The following RERE variants were observed in gnomAD, a reference collection of about 807,000 sequenced individuals.
The protein encoded by RERE is arginine-glutamic acid dipeptide repeats protein.
Under a neutral mutation model 146.1 loss-of-function variants are expected in RERE, and 40 were observed. The ratio of observed to expected loss-of-function variants is 0.27; its 90% confidence interval spans 0.21 to 0.36. RERE has a LOEUF of 0.36. Ranked by LOEUF, RERE falls within the 10% of genes least tolerant of loss-of-function variation. The pLI is 1.00. For synonymous variants in RERE, 1,003 were observed against 866.0 expected, an observed-to-expected ratio of 1.16 and a Z score of -2.78; for missense variants, 1,933 against 2,138.7, an observed-to-expected ratio of 0.90 and a Z score of 1.90.
chr1:8,544,368 T>C (rs939163434), intron 6 of RERE, among the ~76,000 whole-genome samples: 9 of 152,336 alleles, frequency 5.9e-5, no homozygotes, highest in Middle Eastern at 3.4e-3. Context: ...GAAAGGTTTA[T>C]TCATAATAGC....
intron 12 of RERE, among the ~76,000 whole-genome samples, chr1:8,406,208 G>T (rs1197696140): frequency 6.6e-6 from 1 of 151,898 alleles, no homozygotes; most frequent in East Asian, 1.9e-4. Context: ...AATGACTACA[G>T]GTGTGTGGCA....
chr1:8,707,185 G>A (rs1284559152), intron 1 of RERE, among the ~76,000 whole-genome samples: 1 of 152,190 alleles, frequency 6.6e-6, no homozygotes. Context: ...AATGAGAGGA[G>A]ACAACAGATG....
chr1:8,579,259 T>G, intron 4 of RERE, among the ~76,000 whole-genome samples: 1 of 67,344 alleles, frequency 1.5e-5, no homozygotes, highest in South Asian at 3.7e-4. Context: ...TTCCTAATCC[T>G]CTGTGTTCAG....
intron 1 of RERE, among the ~76,000 whole-genome samples, chr1:8,788,053 G>A (rs903129823): frequency 2.6e-5 from 4 of 151,964 alleles, no homozygotes; most frequent in Non-Finnish European, 4.4e-5. Flanking sequence ...AGCCATGATG[G>A]TGCCACTGCA....
At chr1:8,581,753 A>T (rs1474950366) in intron 4 of RERE, among the ~76,000 whole-genome samples, 3 of 152,200 alleles carry the variant, frequency 2.0e-5, no homozygotes, top group Non-Finnish European at 4.4e-5. Context: ...TTTGCATTCA[A>T]GAGATATAAA....
chr1:8,797,759 T>C (rs888917167), intron 1 of RERE, among the ~76,000 whole-genome samples: 14 of 152,194 alleles, frequency 9.2e-5, no homozygotes, highest in African/African-American at 2.9e-4. Flanking sequence ...AAAGCAGTTG[T>C]CACATTAACT....
At chr1:8,477,106 A>G (rs551062369) in intron 10 of RERE, among the ~76,000 whole-genome samples, 2 of 152,344 alleles carry the variant, frequency 1.3e-5, no homozygotes, top group African/African-American at 4.8e-5. Flanking sequence ...TTTATGCCAC[A>G]GGTCTTTAAA....
chr1:8,634,463 GCTA>G (rs1161718439), intron 2 of RERE, among the ~76,000 whole-genome samples: 1 of 152,194 alleles, frequency 6.6e-6, no homozygotes, highest in Non-Finnish European at 1.5e-5. Context: ...TTGTTAAAAT[GCTA>G]CTAATACTAT....
intron 4 of RERE, among the ~76,000 whole-genome samples, chr1:8,576,423 G>T (rs1339005811): frequency 1.3e-5 from 2 of 152,076 alleles, no homozygotes; most frequent in Admixed American, 1.3e-4. Context: ...AAGGATAAAA[G>T]CATGTTAATG....
At chr1:8,799,618 G>A (rs1233946613) in intron 1 of RERE, 2 of 152,214 alleles carry the variant, frequency 1.3e-5, no homozygotes, top group Non-Finnish European at 2.9e-5. Flanking sequence ...GCTTAAACAG[G>A]AGGATCGCTT....
At chr1:8,618,447 T>C (rs1646881427) in intron 3 of RERE, among the ~76,000 whole-genome samples, 1 of 152,100 alleles carries the variant, frequency 6.6e-6, no homozygotes, top group Non-Finnish European at 1.5e-5. Context: ...CTCATCTCAA[T>C]CCCAGAATAA....
At chr1:8,467,890 C>T (rs559351678) in intron 10 of RERE, among the ~76,000 whole-genome samples, 3 of 152,258 alleles carry the variant, frequency 2.0e-5, no homozygotes, top group Non-Finnish European at 2.9e-5. Flanking sequence ...GTGATCCACC[C>T]GCCTCGGCCT....
intron 4 of RERE, among the ~76,000 whole-genome samples, chr1:8,607,961 A>C (rs573025909): frequency 6.6e-6 from 1 of 152,096 alleles, no homozygotes; most frequent in Non-Finnish European, 1.5e-5. Context: ...CCTGACTTCA[A>C]GTGATCCACC....
At chr1:8,372,587 G>A (rs542686806) in intron 12 of RERE, among the ~76,000 whole-genome samples, 3 of 143,240 alleles carry the variant, frequency 2.1e-5, no homozygotes, top group East Asian at 4.2e-4. Context: ...GTAAATAACC[G>A]TATGCGCACC....
chr1:8,705,533 A>G (rs562449383), intron 1 of RERE, among the ~76,000 whole-genome samples: 4 of 152,208 alleles, frequency 2.6e-5, no homozygotes, highest in Admixed American at 6.5e-5. Flanking sequence ...TTCCTTTGTT[A>G]TAAGTTCTCA....
At chr1:8,435,856 C>T (rs895871948) in intron 11 of RERE, among the ~76,000 whole-genome samples, 1 of 152,226 alleles carries the variant, frequency 6.6e-6, no homozygotes, top group Non-Finnish European at 1.5e-5. Flanking sequence ...TTCATTATTG[C>T]AGGCCCAACA....
intron 4 of RERE, among the ~76,000 whole-genome samples, chr1:8,599,134 C>T (rs1646590854): frequency 6.6e-6 from 1 of 152,206 alleles, no homozygotes; most frequent in South Asian, 2.1e-4. Context: ...AGCCATCACA[C>T]TACACTGGGA....
intron 1 of RERE, among the ~76,000 whole-genome samples, chr1:8,694,026 T>TC (rs1639266385): frequency 1.8e-5 from 2 of 108,766 alleles, no homozygotes; most frequent in South Asian, 3.0e-4. Context: ...CAATTTTCTT[T>TC]CCCAAAAAAA....
chr1:8,653,694 CAA>C (rs775354970), intron 2 of RERE, among the ~76,000 whole-genome samples: 47 of 45,882 alleles, frequency 1.0e-3, no homozygotes, highest in African/African-American at 2.3e-3. Context: ...GACTCCACCT[CAA>C]AAAAAAAAAA....
Sources: allele counts gnomAD v4.1 joint callset (sites outside exome capture counted in the v4.1 genomes callset), GRCh38; gene constraint gnomAD v4.1.1; transcripts MANE v1.5; gene names NCBI Gene and HGNC (gene_info 2026-07-23, HGNC 2026-07-21).